Variants in KIAA1217 observed in about 807,000 individuals in gnomAD.
KIAA1217 encodes the protein KIAA1217.
In KIAA1217, 88 loss-of-function variants were observed where a neutral mutation model predicts 163.9. The ratio of observed to expected loss-of-function variants is 0.54; its 90% confidence interval spans 0.45 to 0.64. The LOEUF is 0.64. KIAA1217 is among the 30% of genes least tolerant of loss of function. KIAA1217 has a pLI of 0.00. For missense variants in KIAA1217, 2,372 were observed against 2,475.0 expected, an observed-to-expected ratio of 0.96 and a Z score of 0.88; for synonymous variants, 903 against 923.1, an observed-to-expected ratio of 0.98 and a Z score of 0.39.
chr10:24,211,650 A>G (rs2068141187), intron 1 of KIAA1217, among the ~76,000 whole-genome samples: 1 of 150,582 alleles, frequency 6.6e-6, no homozygotes, highest in Non-Finnish European at 1.5e-5. Flanking sequence ...TTACAAAGGG[A>G]TTTGTCTTTT....
intron 1 of KIAA1217, among the ~76,000 whole-genome samples, chr10:23,810,767 C>A (rs1396736143): frequency 8.1e-6 from 1 of 123,718 alleles, no homozygotes; most frequent in Non-Finnish European, 1.6e-5. Flanking sequence ...TATTATATAA[C>A]TATATATACT....
chr10:23,992,087 C>T (rs1846241835), intron 1 of KIAA1217, among the ~76,000 whole-genome samples: 1 of 152,154 alleles, frequency 6.6e-6, no homozygotes, highest in African/African-American at 2.4e-5. Context: ...AATTACTTTT[C>T]TGACTCTGTA....
intron 2 of KIAA1217, among the ~76,000 whole-genome samples, chr10:24,186,795 C>A (rs1011948212): frequency 6.6e-6 from 1 of 152,124 alleles, no homozygotes; most frequent in Non-Finnish European, 1.5e-5. Flanking sequence ...GAGGCTGAAG[C>A]ATAAGAATCA....
chr10:24,408,984 C>A (rs538235507), intron 3 of KIAA1217, among the ~76,000 whole-genome samples: 66 of 152,320 alleles, frequency 4.3e-4, no homozygotes, highest in Middle Eastern at 3.4e-3. Context: ...TAGTATGGTG[C>A]CTGCACATAG....
chr10:23,946,661 C>G (rs1844062793), intron 1 of KIAA1217, among the ~76,000 whole-genome samples: 1 of 152,088 alleles, frequency 6.6e-6, no homozygotes, highest in Non-Finnish European at 1.5e-5. Context: ...TGCTTACCTG[C>G]AGGACAACAT....
At chr10:24,430,278 C>A (rs1224391036) in intron 3 of KIAA1217, among the ~76,000 whole-genome samples, 1 of 152,140 alleles carries the variant, frequency 6.6e-6, no homozygotes, top group East Asian at 1.9e-4. Context: ...CAGCCCCTTC[C>A]CCTATGCTTG....
intron 2 of KIAA1217, among the ~76,000 whole-genome samples, chr10:24,365,218 G>A (rs1289366516): frequency 6.6e-6 from 1 of 152,098 alleles, no homozygotes; most frequent in Non-Finnish European, 1.5e-5. Flanking sequence ...CCTCTGATGA[G>A]GGTCACCTAG....
At chr10:24,229,744 C>A (rs963818491) in intron 2 of KIAA1217, among the ~76,000 whole-genome samples, 4 of 152,120 alleles carry the variant, frequency 2.6e-5, no homozygotes, top group African/African-American at 9.7e-5. Context: ...GTCTCAAACT[C>A]CTGACCTTGT....
intron 5 of KIAA1217, among the ~76,000 whole-genome samples, chr10:24,448,223 C>G (rs1219390218): frequency 6.6e-6 from 1 of 150,996 alleles, no homozygotes; most frequent in African/African-American, 2.4e-5. Flanking sequence ...CAGAAATACA[C>G]AGTTATCTAA....
At chr10:24,037,664 A>G (rs1472664672) in intron 2 of KIAA1217, among the ~76,000 whole-genome samples, 2 of 152,226 alleles carry the variant, frequency 1.3e-5, no homozygotes, top group Non-Finnish European at 2.9e-5. Context: ...TTAAAGCAGC[A>G]TTCTTGGAAT....
chr10:24,047,274 C>T (rs143098168), intron 2 of KIAA1217, among the ~76,000 whole-genome samples: 1 of 152,302 alleles, frequency 6.6e-6, no homozygotes, highest in East Asian at 1.9e-4. Flanking sequence ...TTCCATCACA[C>T]ATGACCTGGT....
At chr10:24,208,913 C>G (rs1185134301), upstream of KIAA1217, 2 of 402,388 alleles carry the variant, frequency 5.0e-6, no homozygotes, top group African/African-American at 2.1e-5. Context: ...AGCCCAGCCC[C>G]CAGTCCCCGG....
rs371671093 is a variant in KIAA1217 at position 24,211,532 on chromosome 10, G to GTTGTATTGTATTGTA, written c.70+2317_70+2331dup. Among the ~76,000 whole-genome samples, 208 of 79,044 alleles carry GTTGTATTGTATTGTA rather than the reference G, an allele frequency of 2.6e-3. 3 individuals are homozygous for GTTGTATTGTATTGTA. In the Middle Eastern group the frequency reaches 0.057, roughly 22 times the overall value. The allele number at this position is 79,044 out of a possible 152,430, so 51.9% of individuals were successfully genotyped here. On this transcript the variant is annotated intron_variant, in intron 1 of 20. Coordinates refer to ENST00000376454, the MANE Select transcript of KIAA1217 (RefSeq NM_019590.5). ...CTACTGGGACATGCCACCATGCATG[G>GTTGTATTGTATTGTA]TTGTATTGTATTGTATTGTATTGTA...
chr10:24,361,301 C>T (rs1202010503), intron 2 of KIAA1217, among the ~76,000 whole-genome samples: 2 of 152,154 alleles, frequency 1.3e-5, no homozygotes, highest in East Asian at 1.9e-4. Flanking sequence ...AATCCTCCCA[C>T]CTCAGCCTCC....
At chr10:23,793,781 C>G (rs1836072168) in intron 1 of KIAA1217, among the ~76,000 whole-genome samples, 1 of 152,144 alleles carries the variant, frequency 6.6e-6, no homozygotes, top group Non-Finnish European at 1.5e-5. Flanking sequence ...CAGCCACAGG[C>G]AAGCACAAAG....
At position 24,543,214 on chromosome 10, in the gene KIAA1217, A is replaced by G. The variant is rs559257136; in HGVS notation, c.3944A>G (p.Asp1315Gly). The change falls in exon 19 of 21, where the codon GAT becomes GGT. Residue 1315 changes from aspartate (D) to glycine (G), a missense_variant. Transcript: ENST00000376454. ...AAGGAGATGGAAAAGCAAAATACGG[A>G]TAAGTGTCACGTTTCCTCTCACACT... ...KTKEMEKQNT[D>G]KCHVSSHTRL... 14 of 1,614,000 alleles carry G rather than the reference A, an allele frequency of 8.7e-6. No individual in the cohort carries two copies. Among genetic ancestry groups the G allele is most frequent in the South Asian group, 2.2e-5 (2 of 91,060 alleles).
chr10:24,306,594 G>A (rs552950123), intron 2 of KIAA1217, among the ~76,000 whole-genome samples: 3 of 152,314 alleles, frequency 2.0e-5, no homozygotes, highest in East Asian at 1.9e-4. Flanking sequence ...TTTCTGGAGC[G>A]GGAGTTATTC....
intron 2 of KIAA1217, among the ~76,000 whole-genome samples, chr10:24,200,298 T>G (rs938180670): frequency 2.0e-5 from 3 of 151,590 alleles, no homozygotes; most frequent in African/African-American, 7.3e-5. Flanking sequence ...ACTCTCAAAC[T>G]CCCGGGCTTC....
chr10:24,452,124 A>G (rs1288811135), intron 5 of KIAA1217, among the ~76,000 whole-genome samples: 3 of 152,156 alleles, frequency 2.0e-5, no homozygotes, highest in South Asian at 4.1e-4. Flanking sequence ...TGTTTTTAAG[A>G]TACATTTTGC....
Sources: allele counts gnomAD v4.1 joint callset (sites outside exome capture counted in the v4.1 genomes callset), GRCh38; gene constraint gnomAD v4.1.1; transcripts MANE v1.5; gene names NCBI Gene and HGNC (gene_info 2026-07-23, HGNC 2026-07-21).